MCPH1: variants seen among roughly 807,000 people sequenced by gnomAD.
MCPH1 encodes the protein microcephalin 1, also known as microcephalin.
In MCPH1, 104 loss-of-function variants were observed where a neutral mutation model predicts 84.5. The observed-to-expected ratio is 1.23, with a 90% CI of 1.05 to 1.45. The LOEUF is 1.45. Ranked by LOEUF, MCPH1 falls within the 40% of genes most tolerant of loss-of-function variation. The pLI is 0.00. For synonymous variants in MCPH1, 514 were observed against 366.8 expected (o/e 1.40, Z -4.58); for missense variants, 1,498 against 1,005.7 (o/e 1.49, Z -6.62).
chr8:6,643,131 A>G lies in MCPH1; in HGVS notation c.*82A>G. 2 of 1,239,488 alleles carry G rather than the reference A, an allele frequency of 1.6e-6. No homozygotes were observed. Among genetic ancestry groups the G allele is most frequent in the Non-Finnish European group, 2.4e-6 (2 of 845,602 alleles). 76.8% of individuals were successfully genotyped at this position (1,239,488 alleles called of 1,614,324 possible). ...GTTCAAATGAGAAACAAAACTGTGA[A>G]GAGAAGGAACTGGCGTATACAAGAT... On this transcript the variant is annotated 3_prime_UTR_variant, in exon 14 of 14. Transcript: ENST00000344683.
intron 11 of MCPH1, among the ~76,000 whole-genome samples, chr8:6,497,635 A>G (rs1586118048): frequency 6.6e-6 from 1 of 152,348 alleles, no homozygotes; most frequent in East Asian, 1.9e-4. Flanking sequence ...GGTGATAATG[A>G]TGTGTGAACA....
chr8:6,562,814 A>G, intron 12 of MCPH1: 1 of 1,613,712 alleles, frequency 6.2e-7, no homozygotes, highest in Non-Finnish European at 8.5e-7. Flanking sequence ...GTGTAGCTGC[A>G]GGACCCATGC....
intron 11 of MCPH1, among the ~76,000 whole-genome samples, chr8:6,498,145 C>T (rs143881707): frequency 8.7e-4 from 132 of 152,310 alleles, no homozygotes; most frequent in Middle Eastern, 3.4e-3. Flanking sequence ...ATGTAAAAAA[C>T]ACTATTTTCA....
At chr8:6,538,858 G>A (rs933321599) in intron 12 of MCPH1, among the ~76,000 whole-genome samples, 5 of 152,210 alleles carry the variant, frequency 3.3e-5, no homozygotes, top group African/African-American at 1.2e-4. Flanking sequence ...CTTAGAATTA[G>A]TTTGAAAACT....
chr8:6,503,200 C>A lies in MCPH1; in HGVS notation c.2214+3271C>A, dbSNP rs200666311. On this transcript the variant is annotated intron_variant, in intron 12 of 13. Coordinates refer to ENST00000344683, the MANE Select transcript of MCPH1 (RefSeq NM_024596.5). ...TAATGCCGTTGAACTTATTTGTGTT[C>A]TGCCTCTGTGGATAGTACATTCCGT... The A allele has an allele frequency of 6.2e-6, 10 of 1,614,128 alleles. No homozygotes were observed. In the East Asian group the frequency reaches 2.0e-4, roughly 32 times the overall value.
At chr8:6,602,121 G>A (rs17631450) in intron 12 of MCPH1, among the ~76,000 whole-genome samples, 15,775 of 152,254 alleles carry the variant, frequency 0.1, 1,011 homozygotes, top group South Asian at 0.25. Flanking sequence ...GAAGGCAGTA[G>A]CAAGGCACAA....
rs139792887 is a variant in MCPH1 at position 6,543,372 on chromosome 8, G to C, written c.2214+43443G>C. 1.9e-3 allele frequency among the ~76,000 whole-genome samples: 289 copies of C among 152,254 alleles called. 2 individuals are homozygous for C. In the East Asian group the frequency reaches 0.05, roughly 26 times the overall value. On this transcript the variant is annotated intron_variant, in intron 12 of 13. Transcript: ENST00000344683. ...TCCAACGAACTGCTCCTCGTCTCCT[G>C]CCTGGACACCCTTCTCTCTGTGCTT...
At chr8:6,531,398 C>T (rs1819486251) in intron 12 of MCPH1, among the ~76,000 whole-genome samples, 1 of 151,822 alleles carries the variant, frequency 6.6e-6, no homozygotes. Context: ...AAGCAATTCT[C>T]CTGCCTCAGC....
intron 13 of MCPH1, among the ~76,000 whole-genome samples, chr8:6,622,533 G>C (rs1363885898): frequency 6.6e-6 from 1 of 152,234 alleles, no homozygotes; most frequent in African/African-American, 2.4e-5. Context: ...CTCCTCCATG[G>C]GGTTGTGATA....
intron 12 of MCPH1, among the ~76,000 whole-genome samples, chr8:6,525,118 C>T (rs764753131): frequency 6.6e-6 from 1 of 152,180 alleles, no homozygotes; most frequent in Non-Finnish European, 1.5e-5. Context: ...ACTCTTTAAC[C>T]CTGCAAACAA....
At chr8:6,537,714 G>A (rs1820764659) in intron 12 of MCPH1, among the ~76,000 whole-genome samples, 1 of 151,908 alleles carries the variant, frequency 6.6e-6, no homozygotes, top group Non-Finnish European at 1.5e-5. Context: ...AAGTTTATCT[G>A]GCTATCTTCC....
At chr8:6,514,313 C>T (rs1422112712) in intron 12 of MCPH1, among the ~76,000 whole-genome samples, 1 of 152,164 alleles carries the variant, frequency 6.6e-6, no homozygotes, top group African/African-American at 2.4e-5. Flanking sequence ...CCTCAGCCTC[C>T]TGAGTAGCTG....
At chr8:6,505,580 ATTC>A (rs1443372211) in intron 12 of MCPH1, among the ~76,000 whole-genome samples, 2 of 117,834 alleles carry the variant, frequency 1.7e-5, no homozygotes, top group African/African-American at 3.2e-5. Context: ...TAGAATGTAT[ATTC>A]TTTTTGTATA....
intron 11 of MCPH1, among the ~76,000 whole-genome samples, chr8:6,496,228 G>C (rs147463438): frequency 0.042 from 6,359 of 152,164 alleles, 247 homozygotes; most frequent in East Asian, 0.22. Context: ...TTCTCATAAG[G>C]AGCATGCAAC....
intron 13 of MCPH1, among the ~76,000 whole-genome samples, chr8:6,633,600 C>T (rs559023438): frequency 1.3e-5 from 2 of 152,200 alleles, no homozygotes; most frequent in African/African-American, 2.4e-5. Context: ...GTTGATTTAG[C>T]GTCCCCAAGG....
At chr8:6,595,824 A>T (rs1372655755) in intron 12 of MCPH1, among the ~76,000 whole-genome samples, 1 of 152,214 alleles carries the variant, frequency 6.6e-6, no homozygotes, top group African/African-American at 2.4e-5. Flanking sequence ...AGATGGTAAT[A>T]GAGTCAGATA....
chr8:6,519,356 G>A (rs13281117), intron 12 of MCPH1, among the ~76,000 whole-genome samples: 51,340 of 152,028 alleles, frequency 0.34, 8,879 homozygotes, highest in Middle Eastern at 0.47. Context: ...CACCATCCCC[G>A]TGTGAGGCAG....
chr8:6,535,338 A>G (rs995897981), intron 12 of MCPH1, among the ~76,000 whole-genome samples: 6 of 152,234 alleles, frequency 3.9e-5, no homozygotes, highest in African/African-American at 1.4e-4. Context: ...TTGAAATTAA[A>G]CTTAGGAACT....
chr8:6,464,276 T>C (rs1313339543), intron 9 of MCPH1, among the ~76,000 whole-genome samples: 1 of 152,156 alleles, frequency 6.6e-6, no homozygotes, highest in East Asian at 1.9e-4. Flanking sequence ...GGGGATGTGC[T>C]CGTTGTAACA....
Sources: allele counts gnomAD v4.1 joint callset (sites outside exome capture counted in the v4.1 genomes callset), GRCh38; gene constraint gnomAD v4.1.1; transcripts MANE v1.5; gene names NCBI Gene and HGNC (gene_info 2026-07-23, HGNC 2026-07-21).